PNPLA3: variants seen among roughly 807,000 people sequenced by gnomAD.
PNPLA3 encodes the protein patatin like domain 3, 1-acylglycerol-3-phosphate O-acyltransferase.
In PNPLA3, 42 loss-of-function variants were observed where a neutral mutation model predicts 43.1. That is an observed-to-expected ratio of 0.97 (90% CI 0.76 to 1.26). PNPLA3 has a LOEUF of 1.26. Among genes scored for constraint, PNPLA3 ranks in the 50% most tolerant of loss-of-function variants. PNPLA3 has a pLI of 0.00. For missense variants in PNPLA3, 647 were observed against 621.4 expected, an observed-to-expected ratio of 1.04 and a Z score of -0.44; for synonymous variants, 272 against 253.6, an observed-to-expected ratio of 1.07 and a Z score of -0.69.
At chr22:43,936,760 AGTT>A (rs1447512145) in intron 5 of PNPLA3, among the ~76,000 whole-genome samples, 1 of 152,230 alleles carries the variant, frequency 6.6e-6, no homozygotes, top group Non-Finnish European at 1.5e-5. Context: ...CCAGTGGTTC[AGTT>A]GTTATAAACC....
intron 1 of PNPLA3, among the ~76,000 whole-genome samples, 176 bp from the exon 2 acceptor site, chr22:43,926,759 C>T (rs1488200688): frequency 6.6e-6 from 1 of 152,232 alleles, no homozygotes; most frequent in Non-Finnish European, 1.5e-5. Flanking sequence ...TCTTACACAT[C>T]TCAGTTTTGA....
At chr22:43,933,453 C>T (rs1390113696) in intron 4 of PNPLA3, among the ~76,000 whole-genome samples, 3 of 152,106 alleles carry the variant, frequency 2.0e-5, no homozygotes, top group African/African-American at 7.2e-5. Context: ...GTGGTGCAAT[C>T]ATAGCTCACT....
chr22:43,946,040 C>A, intron 8 of PNPLA3, 114 bp from the exon 9 acceptor site: 1 of 967,038 alleles, frequency 1.0e-6, no homozygotes, highest in African/African-American at 1.6e-5. Context: ...GTGACGGCAC[C>A]CTAGAGTGTG....
intron 1 of PNPLA3, among the ~76,000 whole-genome samples, chr22:43,925,233 G>C (rs546193349): frequency 6.6e-6 from 1 of 152,094 alleles, no homozygotes; most frequent in Admixed American, 6.5e-5. Flanking sequence ...ATGAGATTCC[G>C]TACATTTGAA....
chr22:43,943,923 G>A (rs2050046628), intron 7 of PNPLA3, among the ~76,000 whole-genome samples: 1 of 152,150 alleles, frequency 6.6e-6, no homozygotes, highest in Admixed American at 6.5e-5. Context: ...TGAGTAGCTG[G>A]GATTACAGGC....
Position 43,923,930 on chromosome 22 carries a change from G to T in PNPLA3, c.19G>T (p.Gly7Cys), listed in dbSNP as rs1480002157. Residue 7 changes from glycine to cysteine, a missense_variant, in exon 1 of 9, where the codon GGC (glycine) becomes TGC (cysteine). Gly to Cys is a radical substitution (Grantham distance 159). Transcript: ENST00000216180. ...CGCCGCCATGTACGACGCAGAGCGC[G>T]GCTGGAGCTTGTCCTTCGCGGGCTG... is the stretch of plus-strand genomic sequence containing the variant. Reference protein sequence around the residue: MYDAERGWSLSFAGCGF... With the variant: MYDAERCWSLSFAGCGF... The T allele has an allele frequency of 3.2e-6, 5 of 1,575,516 alleles. No homozygotes were observed. Among genetic ancestry groups the T allele is most frequent in the Non-Finnish European group, 3.4e-6 (4 of 1,169,508 alleles).
intron 3 of PNPLA3, among the ~76,000 whole-genome samples, chr22:43,930,217 G>A (rs1294154249): frequency 6.6e-6 from 1 of 152,122 alleles, no homozygotes; most frequent in Non-Finnish European, 1.5e-5. Flanking sequence ...TGTGGCTGTG[G>A]GGAACTTGAG....
chr22:43,940,235 G>C, intron 7 of PNPLA3, 110 bp downstream of exon 7: 1 of 1,296,598 alleles, frequency 7.7e-7, no homozygotes, highest in Non-Finnish European at 1.1e-6. Flanking sequence ...TCGTGCCACA[G>C]ATCACAGCTC....
intron 2 of PNPLA3, among the ~76,000 whole-genome samples, chr22:43,927,770 T>A (rs767510885): frequency 3.9e-5 from 6 of 152,132 alleles, no homozygotes; most frequent in Non-Finnish European, 7.3e-5. Flanking sequence ...CATCACACCT[T>A]GCTAATGTTT....
chr22:43,938,096 G>T (rs1190697743), intron 6 of PNPLA3, among the ~76,000 whole-genome samples: 2 of 152,134 alleles, frequency 1.3e-5, no homozygotes, highest in African/African-American at 4.8e-5. Flanking sequence ...CATGTCTGCT[G>T]CCCCTTGATC....
At chr22:43,929,679 C>T (rs1254782591) in intron 3 of PNPLA3, among the ~76,000 whole-genome samples, 1 of 149,672 alleles carries the variant, frequency 6.7e-6, no homozygotes, top group African/African-American at 2.5e-5. Context: ...TCACTGCAAC[C>T]TCCACCTCAC....
intron 3 of PNPLA3, among the ~76,000 whole-genome samples, chr22:43,931,579 G>A (rs550405393): frequency 2.0e-5 from 3 of 152,106 alleles, no homozygotes; most frequent in Non-Finnish European, 2.9e-5. Context: ...GCAGTGGCGC[G>A]ATCTCAGCTC....
In PNPLA3 at chr22:43,940,114, G is replaced by C; in HGVS notation, c.1101G>C (p.Ala367=). The part of the protein sequence containing the change: ...PCTLPVESAI[A]IVQRLVTWLP... ...CCCTGCCTGTGGAATCTGCCATTGCGATTGTCCAGAGGTGAGCATTTTAGG... is the reference window on the plus strand; with the variant it reads ...CCCTGCCTGTGGAATCTGCCATTGCCATTGTCCAGAGGTGAGCATTTTAGG... Residue 367 remains alanine, a synonymous_variant, in exon 7 of 9, where the codon GCG becomes GCC. Coordinates refer to ENST00000216180, the MANE Select transcript of PNPLA3 (RefSeq NM_025225.3). The C allele has an allele frequency of 1.2e-6, 2 of 1,614,082 alleles. No homozygotes were observed. Among genetic ancestry groups the C allele is most frequent in the East Asian group, 2.2e-5 (1 of 44,880 alleles).
At chr22:43,935,458 A>G (rs2049989102) in intron 5 of PNPLA3, among the ~76,000 whole-genome samples, 1 of 152,138 alleles carries the variant, frequency 6.6e-6, no homozygotes. Context: ...GCCAATGAGA[A>G]GGCACAGGTG....
rs1037837460 is a variant in PNPLA3, at chr22:43,937,247, C to T, written c.954C>T (p.Asp318=). 4 of 1,613,946 alleles carry T rather than the reference C, an allele frequency of 2.5e-6. No individual in the cohort carries two copies. The African/African-American group carries it at 5.3e-5, about 22-fold the overall frequency. ...TGCCCTGGGATGAGAGCATCCTGGA[C>T]ACCCTCTCGCCCAGGCTCGCTACAG... ...SILPWDESIL[D]TLSPRLATAL... is the part of the protein sequence containing the mutation. Residue 318 remains aspartate (D), a synonymous_variant, in exon 6 of 9, where the codon GAC becomes GAT. Transcript: ENST00000216180.
At chr22:43,926,885 T>C in intron 1 of PNPLA3, 50 bp from the exon 2 acceptor site, 1 of 1,532,486 alleles carries the variant, frequency 6.5e-7, no homozygotes, top group Non-Finnish European at 9.0e-7. Flanking sequence ...CCAAAAGTAT[T>C]ACCATCCCAG....
Position 43,933,060 on chromosome 22 carries a change from G to A in PNPLA3, c.669G>A (p.Ser223=), listed in dbSNP as rs750033441. The change falls in exon 4 of 9, where the codon TCG becomes TCA. Residue 223 remains serine (S), a synonymous_variant. Coordinates refer to ENST00000216180, the MANE Select transcript of PNPLA3 (RefSeq NM_025225.3). The part of the protein sequence containing the change: ...RLCTGNLYLL[S]RAFVPPDLKV... ...GCACAGGGAACCTCTACCTTCTCTC[G>A]AGAGCTTTTGTCCCCCCGGATCTCA... 49 of 1,613,796 alleles carry A rather than the reference G, an allele frequency of 3.0e-5. No homozygotes were observed. The Admixed American group carries it at 6.8e-4, about 23-fold the overall frequency.
chr22:43,927,996 C>T (rs1182896103), intron 2 of PNPLA3, among the ~76,000 whole-genome samples: 1 of 152,186 alleles, frequency 6.6e-6, no homozygotes, highest in East Asian at 1.9e-4. Flanking sequence ...ATGAAGATGC[C>T]TTCTCACTGG....
chr22:43,926,964 G>C lies in PNPLA3; in HGVS notation c.217G>C (p.Val73Leu). 1.9e-6 allele frequency: 3 copies of C among 1,614,230 alleles called. No individual in the cohort carries two copies. Among genetic ancestry groups the C allele is most frequent in the Non-Finnish European group, 2.5e-6 (3 of 1,180,050 alleles). Reference sequence around the variant, plus strand: ...GACTCTGCAGGTCCTCTCAGATCTTGTGCGGAAGGCCAGGAGTCGGAACAT... The same window carrying C: ...GACTCTGCAGGTCCTCTCAGATCTTCTGCGGAAGGCCAGGAGTCGGAACAT... ...EQTLQVLSDL[V>L]RKARSRNIGI... The change falls in exon 2 of 9, where the codon GTG becomes CTG. Residue 73 changes from valine to leucine, a missense_variant. Physicochemically the swap from Val to Leu is conservative, Grantham distance 32 (BLOSUM62 1). Coordinates refer to ENST00000216180, the MANE Select transcript of PNPLA3 (RefSeq NM_025225.3).
Sources: gnomAD v4.1 joint callset for allele counts (sites outside exome capture counted in the v4.1 genomes callset) on GRCh38, gnomAD v4.1.1 for gene constraint, MANE v1.5 for transcripts, NCBI Gene and HGNC (gene_info 2026-07-23, HGNC 2026-07-21) for gene names.